ASB3: variants seen among roughly 807,000 people sequenced by gnomAD.
The protein encoded by ASB3 is ankyrin repeat and SOCS box containing 3, also known as ankyrin repeat and SOCS box protein 3.
Under a neutral mutation model 54.5 loss-of-function variants are expected in ASB3, and 41 were observed. That is an observed-to-expected ratio of 0.75 (90% CI 0.59 to 0.98). The LOEUF is 0.98. Among genes scored for constraint, ASB3 ranks in the 50% least tolerant of loss-of-function variants. ASB3 has a pLI of 0.00. For synonymous variants in ASB3, 266 were observed against 221.2 expected (o/e 1.20, Z -1.80); for missense variants, 733 against 620.0 (o/e 1.18, Z -1.94).
chr2:53,732,505 G>C (rs1032393608), intron 3 of ASB3, among the ~76,000 whole-genome samples: 4 of 152,160 alleles, frequency 2.6e-5, no homozygotes, highest in Non-Finnish European at 5.9e-5. Context: ...ATATATGAAG[G>C]AGAGTGAAGG....
chr2:53,762,759 T>C (rs187746953), intron 2 of ASB3, among the ~76,000 whole-genome samples: 7 of 152,236 alleles, frequency 4.6e-5, no homozygotes, highest in African/African-American at 1.4e-4. Flanking sequence ...ACAAGCAAAT[T>C]TGTTATCTGT....
chr2:53,721,693 C>A (rs567943290), intron 5 of ASB3, among the ~76,000 whole-genome samples: 21 of 151,866 alleles, frequency 1.4e-4, no homozygotes, highest in African/African-American at 3.4e-4. Context: ...TATTAAAATG[C>A]AGCAAAAAGT....
chr2:53,768,058 CT>C (rs1673616263), intron 1 of ASB3: 14 of 1,606,458 alleles, frequency 8.7e-6, no homozygotes, highest in Admixed American at 1.7e-5. Context: ...TTACTGCCCC[CT>C]GACCCCTGCT....
chr2:53,735,776 T>C (rs1007061189), intron 3 of ASB3, among the ~76,000 whole-genome samples: 2 of 152,068 alleles, frequency 1.3e-5, no homozygotes, highest in Non-Finnish European at 2.9e-5. Context: ...TAAGGTAGCA[T>C]GGTATTGGCA....
At chr2:53,703,750 A>T (rs1410017874) in intron 7 of ASB3, among the ~76,000 whole-genome samples, 1 of 152,210 alleles carries the variant, frequency 6.6e-6, no homozygotes, top group Non-Finnish European at 1.5e-5. Flanking sequence ...AAATTAATAG[A>T]TTTCAGAGAA....
At chr2:53,727,017 T>A (rs1357861297) in intron 5 of ASB3, among the ~76,000 whole-genome samples, 1 of 152,128 alleles carries the variant, frequency 6.6e-6, no homozygotes, top group East Asian at 1.9e-4. Flanking sequence ...AGTCATTAAC[T>A]GAATTAGGAT....
At chr2:53,782,764 C>G in intron 1 of ASB3, among the ~76,000 whole-genome samples, 1 of 152,104 alleles carries the variant, frequency 6.6e-6, no homozygotes, top group East Asian at 1.9e-4. Flanking sequence ...CAGCTAGTAC[C>G]CTGCTCACTT....
intron 2 of ASB3, among the ~76,000 whole-genome samples, chr2:53,764,799 T>A (rs1278184678): frequency 6.6e-5 from 10 of 152,240 alleles, no homozygotes; most frequent in African/African-American, 2.4e-4. Flanking sequence ...TTTTTGTCTA[T>A]CCCATCTGTT....
intron 8 of ASB3, 73 bp downstream of exon 8, chr2:53,700,198 T>A: frequency 3.2e-6 from 5 of 1,541,350 alleles, no homozygotes; most frequent in Middle Eastern, 1.8e-4. Flanking sequence ...AACACTGGGA[T>A]CTCAACTGAA....
chr2:53,691,044 T>C (rs773047440), intron 9 of ASB3, among the ~76,000 whole-genome samples: 2 of 152,216 alleles, frequency 1.3e-5, no homozygotes, highest in Non-Finnish European at 2.9e-5. Flanking sequence ...GTTAGGCTGA[T>C]GTTTCTAAGA....
intron 3 of ASB3, among the ~76,000 whole-genome samples, chr2:53,740,187 G>GTACTCTGT (rs1252422691): frequency 3.3e-5 from 5 of 152,074 alleles, no homozygotes; most frequent in Non-Finnish European, 5.9e-5. Context: ...AGTTCTACAT[G>GTACTCTGT]TACTCTGTTC....
chr2:53,765,456 A>G lies in ASB3; in HGVS notation c.117T>C (p.Ala39=). ...LLKKGRSVDV[A]DNRGWMPIHE... ...GAATTGGCATCCATCCCCTGTTATC[A>G]GCAACATCGACACTTCGGCCCTTTT... Residue 39 remains alanine, a synonymous_variant, in exon 2 of 10, where the codon GCT becomes GCC. Coordinates refer to ENST00000263634, the MANE Select transcript of ASB3 (RefSeq NM_016115.5). The G allele has an allele frequency of 1.2e-6, 2 of 1,614,200 alleles. No homozygotes were observed. The highest frequency in any genetic ancestry group is 1.7e-6 in the Non-Finnish European group (2 of 1,180,024).
chr2:53,752,476 G>A (rs374602057), intron 2 of ASB3, among the ~76,000 whole-genome samples: 1 of 152,246 alleles, frequency 6.6e-6, no homozygotes, highest in African/African-American at 2.4e-5. Flanking sequence ...TGCATAAGGT[G>A]AGAATTCCCA....
intron 1 of ASB3, among the ~76,000 whole-genome samples, chr2:53,766,442 G>C (rs914796894): frequency 1.3e-5 from 2 of 152,150 alleles, no homozygotes; most frequent in Non-Finnish European, 2.9e-5. Context: ...TCTCAGATGT[G>C]ATAATGGCAT....
intron 9 of ASB3, among the ~76,000 whole-genome samples, chr2:53,674,952 G>A (rs1035865394): frequency 6.6e-6 from 1 of 152,140 alleles, no homozygotes; most frequent in African/African-American, 2.4e-5. Flanking sequence ...GCAATGAATG[G>A]ATTAAATGGA....
At chr2:53,736,681 A>C (rs1427594083) in intron 3 of ASB3, among the ~76,000 whole-genome samples, 1 of 148,096 alleles carries the variant, frequency 6.8e-6, no homozygotes, top group Non-Finnish European at 1.5e-5. Flanking sequence ...CCTGGGCGAC[A>C]GAGTGAGATT....
chr2:53,716,512 C>A, intron 6 of ASB3, 54 bp downstream of exon 6: 1 of 1,577,022 alleles, frequency 6.3e-7, no homozygotes, highest in South Asian at 1.2e-5. Context: ...CAGATTTATT[C>A]TTTATTAGCT....
intron 5 of ASB3, among the ~76,000 whole-genome samples, chr2:53,720,068 A>G (rs1002196212): frequency 7.9e-5 from 12 of 151,998 alleles, no homozygotes; most frequent in African/African-American, 2.9e-4. Context: ...CTCAAACTCA[A>G]AGTCATCCCT....
chr2:53,684,722 T>C (rs950157627), intron 9 of ASB3, among the ~76,000 whole-genome samples: 23 of 152,224 alleles, frequency 1.5e-4, no homozygotes, highest in Admixed American at 3.9e-4. Context: ...AAAAATGCTC[T>C]TCTGTTTTTA....
Sources: allele counts gnomAD v4.1 joint callset (sites outside exome capture counted in the v4.1 genomes callset), GRCh38; gene constraint gnomAD v4.1.1; transcripts MANE v1.5; gene names NCBI Gene and HGNC (gene_info 2026-07-23, HGNC 2026-07-21).